The following HHAT variants were observed in gnomAD, a reference collection of about 807,000 sequenced individuals.
HHAT encodes protein-cysteine N-palmitoyltransferase HHAT.
Under a neutral mutation model 70.8 loss-of-function variants are expected in HHAT, and 47 were observed. That is an observed-to-expected ratio of 0.66 (90% CI 0.53 to 0.85). The LOEUF (loss-of-function observed/expected upper bound fraction) is 0.85. Ranked by LOEUF, HHAT falls within the 40% of genes least tolerant of loss-of-function variation. HHAT has a pLI of 0.00. For missense variants in HHAT, 609 were observed against 604.8 expected (o/e 1.01, Z -0.07); for synonymous variants, 228 against 247.6 (o/e 0.92, Z 0.74).
chr1:210,579,815 T>A (rs1428761743), intron 9 of HHAT, among the ~76,000 whole-genome samples: 1 of 152,156 alleles, frequency 6.6e-6, no homozygotes, highest in Non-Finnish European at 1.5e-5. Flanking sequence ...TCTCTCAGCC[T>A]CTCTTTCTGT....
At chr1:210,620,981 G>A (rs918246144) in intron 10 of HHAT, among the ~76,000 whole-genome samples, 11 of 151,622 alleles carry the variant, frequency 7.3e-5, no homozygotes, top group African/African-American at 2.4e-4. Flanking sequence ...AAGGAAGCAC[G>A]GTAGGAGCTG....
chr1:210,461,903 T>C (rs984117264), intron 7 of HHAT, among the ~76,000 whole-genome samples: 1 of 152,130 alleles, frequency 6.6e-6, no homozygotes, highest in Non-Finnish European at 1.5e-5. Context: ...CACATAGTGG[T>C]TTAAAAAAAC....
At chr1:210,556,141 G>A (rs181861526) in intron 9 of HHAT, among the ~76,000 whole-genome samples, 182 of 151,754 alleles carry the variant, frequency 1.2e-3, no homozygotes, top group Non-Finnish European at 1.9e-3. Flanking sequence ...TCTTTTTCTC[G>A]TCTAGTCTCC....
intron 11 of HHAT, among the ~76,000 whole-genome samples, chr1:210,635,649 A>G (rs1671738083): frequency 6.6e-6 from 1 of 152,210 alleles, no homozygotes; most frequent in African/African-American, 2.4e-5. Context: ...CATAATTTGT[A>G]CAATAATGGT....
At chr1:210,670,844 C>A (rs1186890710) in intron 11 of HHAT, among the ~76,000 whole-genome samples, 2 of 152,114 alleles carry the variant, frequency 1.3e-5, no homozygotes, top group African/African-American at 2.4e-5. Context: ...TATTTGCATG[C>A]TTTTAAAAAA....
chr1:210,357,999 C>T (rs1047825264), intron 2 of HHAT, among the ~76,000 whole-genome samples: 25 of 152,030 alleles, frequency 1.6e-4, no homozygotes, highest in Non-Finnish European at 5.9e-5. Flanking sequence ...ATTTTTTTAT[C>T]CTTACATAGG....
chr1:210,562,991 C>T (rs934054500), intron 9 of HHAT, among the ~76,000 whole-genome samples: 7 of 152,040 alleles, frequency 4.6e-5, no homozygotes, highest in African/African-American at 1.7e-4. Context: ...GTTTTATTGC[C>T]TCCACTAAGG....
chr1:210,527,522 T>A (rs1375541961), intron 9 of HHAT, among the ~76,000 whole-genome samples: 1 of 152,242 alleles, frequency 6.6e-6, no homozygotes, highest in East Asian at 1.9e-4. Context: ...ATCACCATTA[T>A]CAGCATCATA....
chr1:210,352,882 A>G (rs558278503), intron 2 of HHAT, among the ~76,000 whole-genome samples: 7 of 150,838 alleles, frequency 4.6e-5, no homozygotes, highest in African/African-American at 1.7e-4. Flanking sequence ...CTGTTGCATT[A>G]GGTTGGTGCC....
At chr1:210,582,208 G>C (rs776741998) in intron 9 of HHAT, among the ~76,000 whole-genome samples, 7 of 152,132 alleles carry the variant, frequency 4.6e-5, no homozygotes, top group African/African-American at 1.7e-4. Context: ...CCAAAGGCAC[G>C]GAGCTGTCAA....
At chr1:210,470,875 A>C (rs1247283721) in intron 8 of HHAT, among the ~76,000 whole-genome samples, 1 of 152,142 alleles carries the variant, frequency 6.6e-6, no homozygotes, top group Non-Finnish European at 1.5e-5. Context: ...CCTTCTCTGT[A>C]AGATGGAGAT....
At chr1:210,491,049 C>G (rs1458659208) in intron 8 of HHAT, among the ~76,000 whole-genome samples, 1 of 103,004 alleles carries the variant, frequency 9.7e-6, no homozygotes, top group Non-Finnish European at 2.1e-5. Flanking sequence ...TTTTGTGAGA[C>G]ACACACACAC....
intron 8 of HHAT, among the ~76,000 whole-genome samples, chr1:210,484,698 C>T (rs2094448688): frequency 6.6e-6 from 1 of 152,152 alleles, no homozygotes. Context: ...CTTTTGAAAA[C>T]ATGAGCTCCT....
chr1:210,608,317 T>C (rs1321336596), intron 10 of HHAT, among the ~76,000 whole-genome samples: 1 of 152,226 alleles, frequency 6.6e-6, no homozygotes, highest in Non-Finnish European at 1.5e-5. Context: ...AATTGTATTA[T>C]TGAATACTCT....
At chr1:210,501,181 C>A (rs771447322) in intron 8 of HHAT, among the ~76,000 whole-genome samples, 76 of 152,334 alleles carry the variant, frequency 5.0e-4, no homozygotes, top group Non-Finnish European at 8.1e-4. Context: ...ATTTTTCTAG[C>A]CTCTAATGCC....
At chr1:210,432,828 T>C (rs1026580007) in intron 7 of HHAT, among the ~76,000 whole-genome samples, 1 of 151,844 alleles carries the variant, frequency 6.6e-6, no homozygotes, top group Non-Finnish European at 1.5e-5. Flanking sequence ...CTTCTTGAGA[T>C]GTTTCAGAAA....
intron 6 of HHAT, among the ~76,000 whole-genome samples, chr1:210,417,328 G>A (rs2092752458): frequency 6.6e-6 from 1 of 152,134 alleles, no homozygotes; most frequent in South Asian, 2.1e-4. Context: ...CGCCTCCCAG[G>A]TTCAAGCAAT....
chr1:210,577,036 T>G (rs1030861225), intron 9 of HHAT, among the ~76,000 whole-genome samples: 15 of 152,008 alleles, frequency 9.9e-5, no homozygotes, highest in Non-Finnish European at 1.6e-4. Flanking sequence ...TTTATGTTAC[T>G]TTTGTATCCT....
At chr1:210,485,423 C>G (rs2094459675) in intron 8 of HHAT, among the ~76,000 whole-genome samples, 1 of 152,086 alleles carries the variant, frequency 6.6e-6, no homozygotes, top group South Asian at 2.1e-4. Flanking sequence ...AAGAACAGGA[C>G]CCATTTCATC....
Sources: allele counts gnomAD v4.1 joint callset (sites outside exome capture counted in the v4.1 genomes callset), GRCh38; gene constraint gnomAD v4.1.1; transcripts MANE v1.5; gene names NCBI Gene and HGNC (gene_info 2026-07-23, HGNC 2026-07-21).